Variants in TCAIM observed in about 807,000 individuals in gnomAD.
The protein encoded by TCAIM is T-cell activation inhibitor, mitochondrial.
TCAIM carries 36 observed loss-of-function variants against 58.6 expected under a neutral mutation model. That is an observed-to-expected ratio of 0.61 (90% CI 0.47 to 0.81). The LOEUF is 0.81. Ranked by LOEUF, TCAIM falls within the 30% of genes least tolerant of loss-of-function variation. The pLI is 0.00. For synonymous variants in TCAIM, 172 were observed against 193.6 expected (o/e 0.89, Z 0.93); for missense variants, 466 against 579.6 (o/e 0.80, Z 2.01).
Position 44,396,883 on chromosome 3 carries a change from C to CTTTTTTTTTCT in TCAIM, c.885+49_885+50insTTTTTTTTTCT, listed in dbSNP as rs760715720. 3 of 1,542,646 alleles carry CTTTTTTTTTCT rather than the reference C, an allele frequency of 1.9e-6. No individual in the cohort carries two copies. In the Admixed American group the frequency reaches 5.3e-5, roughly 27 times the overall value. The stretch of plus-strand genomic sequence containing the variant: ...AAACTCCTTGTCATTCATAAACTTT[C>CTTTTTTTTTCT]ATTTCCAACAATGCTGTAATGTTAA... On this transcript the variant is annotated intron_variant, in intron 8 of 10. Transcript: ENST00000342649.
At chr3:44,386,784 T>C (rs1052209433) in intron 5 of TCAIM, among the ~76,000 whole-genome samples, 2 of 152,180 alleles carry the variant, frequency 1.3e-5, no homozygotes, top group Non-Finnish European at 2.9e-5. Context: ...GAGGGCAGCT[T>C]GGCCCAGGCC....
At chr3:44,349,520 G>A (rs978801950) in intron 1 of TCAIM, among the ~76,000 whole-genome samples, 4 of 152,036 alleles carry the variant, frequency 2.6e-5, no homozygotes, top group Admixed American at 6.5e-5. Flanking sequence ...GAAAAGAGAG[G>A]GTAGAGACAT....
At chr3:44,405,951 CAAAA>C (rs10579882) in intron 10 of TCAIM, among the ~76,000 whole-genome samples, 5 of 113,034 alleles carry the variant, frequency 4.4e-5, no homozygotes, top group Admixed American at 9.7e-5. Flanking sequence ...GACTCCATCT[CAAAA>C]AAAAAAAAAA....
chr3:44,400,161 G>C (rs1442153726), intron 8 of TCAIM, among the ~76,000 whole-genome samples, 194 bp from the exon 9 acceptor site: 2 of 152,000 alleles, frequency 1.3e-5, no homozygotes, highest in Non-Finnish European at 2.9e-5. Flanking sequence ...AAATCCCAAA[G>C]ATTTACAGTG....
At chr3:44,403,280 T>G (rs1296707375) in intron 10 of TCAIM, among the ~76,000 whole-genome samples, 1 of 151,932 alleles carries the variant, frequency 6.6e-6, no homozygotes, top group Non-Finnish European at 1.5e-5. Flanking sequence ...GAAAAATAAA[T>G]AAATAGAGAG....
chr3:44,365,334 CTT>C (rs1377547976), intron 4 of TCAIM, among the ~76,000 whole-genome samples: 1 of 146,198 alleles, frequency 6.8e-6, no homozygotes. Context: ...GTTGCAAATA[CTT>C]TTTTTTTTTT....
chr3:44,344,310 TG>T (rs1700919099), intron 1 of TCAIM, among the ~76,000 whole-genome samples: 3 of 152,110 alleles, frequency 2.0e-5, no homozygotes, highest in South Asian at 4.1e-4. Context: ...GAAATGCTTC[TG>T]AAATGCTTCT....
At chr3:44,372,492 A>G (rs1012011181) in intron 5 of TCAIM, among the ~76,000 whole-genome samples, 5 of 152,202 alleles carry the variant, frequency 3.3e-5, no homozygotes, top group Non-Finnish European at 7.3e-5. Flanking sequence ...ATGCTGAATT[A>G]TATAGTTCAG....
chr3:44,363,787 C>T (rs922757799), intron 4 of TCAIM, among the ~76,000 whole-genome samples: 2 of 151,966 alleles, frequency 1.3e-5, no homozygotes, highest in African/African-American at 2.4e-5. Context: ...ATTTCTTAAA[C>T]AAAAATAGCT....
intron 5 of TCAIM, among the ~76,000 whole-genome samples, chr3:44,369,545 G>A (rs1296368013): frequency 6.6e-6 from 1 of 152,180 alleles, no homozygotes; most frequent in Non-Finnish European, 1.5e-5. Flanking sequence ...ACTGGACTTA[G>A]ACACCGGCAA....
intron 5 of TCAIM, among the ~76,000 whole-genome samples, chr3:44,389,245 G>A (rs1353281424): frequency 1.3e-5 from 2 of 152,176 alleles, no homozygotes; most frequent in East Asian, 1.9e-4. Context: ...AGCCGAGATC[G>A]TGCCACTGCA....
chr3:44,362,748 G>A, intron 4 of TCAIM: 1 of 229,350 alleles, frequency 4.4e-6, no homozygotes, highest in Non-Finnish European at 8.4e-6. Flanking sequence ...ATCACTCTAA[G>A]TGACACAATT....
chr3:44,344,668 G>A (rs1020653364), intron 1 of TCAIM, among the ~76,000 whole-genome samples: 3 of 152,088 alleles, frequency 2.0e-5, no homozygotes, highest in Non-Finnish European at 2.9e-5. Flanking sequence ...TGTCACACGC[G>A]TCCGTGTGAA....
chr3:44,402,705 G>A (rs781484128), intron 10 of TCAIM, among the ~76,000 whole-genome samples: 2 of 152,102 alleles, frequency 1.3e-5, no homozygotes, highest in Non-Finnish European at 2.9e-5. Flanking sequence ...ATTTGCCAGT[G>A]GTAGCTGGAG....
At chr3:44,380,579 A>T (rs548177402) in intron 5 of TCAIM, among the ~76,000 whole-genome samples, 7 of 152,162 alleles carry the variant, frequency 4.6e-5, no homozygotes, top group Non-Finnish European at 7.4e-5. Flanking sequence ...TGTACACCTT[A>T]TGGGATTAGA....
At chr3:44,396,274 A>G in intron 6 of TCAIM, 126 bp from the exon 7 acceptor site, 1 of 678,712 alleles carries the variant, frequency 1.5e-6, no homozygotes. Flanking sequence ...ATCAATCAAA[A>G]CATGTTATGT....
intron 5 of TCAIM, among the ~76,000 whole-genome samples, chr3:44,387,620 T>A (rs999535429): frequency 1.3e-5 from 2 of 152,264 alleles, no homozygotes; most frequent in Non-Finnish European, 2.9e-5. Context: ...GCACAGTGGC[T>A]GGACCCTGCG....
chr3:44,361,633 C>A, intron 4 of TCAIM, 115 bp downstream of exon 4: 4 of 1,023,422 alleles, frequency 3.9e-6, no homozygotes, highest in Admixed American at 7.0e-5. Flanking sequence ...AAAATAATAG[C>A]ATTTAATTGA....
intron 4 of TCAIM, among the ~76,000 whole-genome samples, chr3:44,363,233 A>G (rs1041204950): frequency 7.9e-5 from 12 of 152,232 alleles, no homozygotes; most frequent in African/African-American, 1.2e-4. Context: ...AGCTGGTACT[A>G]GAACTAATGT....
Sources: gnomAD v4.1 joint callset for allele counts (sites outside exome capture counted in the v4.1 genomes callset) on GRCh38, gnomAD v4.1.1 for gene constraint, MANE v1.5 for transcripts, NCBI Gene and HGNC (gene_info 2026-07-23, HGNC 2026-07-21) for gene names.